The following GPM6B variants were observed in gnomAD, a reference collection of about 807,000 sequenced individuals.
GPM6B encodes the protein neuronal membrane glycoprotein M6-b.
In GPM6B, 4 loss-of-function variants were observed where a neutral mutation model predicts 27.2. The ratio of observed to expected loss-of-function variants is 0.15; its 90% CI spans 0.07 to 0.34. The LOEUF (loss-of-function observed/expected upper bound fraction) is 0.34. GPM6B is among the 10% of genes least tolerant of loss of function. The pLI, the probability that GPM6B is intolerant of heterozygous loss-of-function variation, is 1.00. For missense variants in GPM6B, 183 were observed against 261.9 expected (o/e 0.70, Z 2.08); for synonymous variants, 124 against 103.1 (o/e 1.20, Z -1.23).
chrX:13,804,433 C>CGGGGGGG (rs1427922805), intron 2 of GPM6B, among the ~76,000 whole-genome samples: 1 of 4,016 alleles, frequency 2.5e-4, no homozygotes, highest in African/African-American at 9.6e-4. Context: ...GGGCGGGGGG[C>CGGGGGGG]GGGGGTAGCC....
intron 1 of GPM6B, among the ~76,000 whole-genome samples, chrX:13,823,255 C>G (rs1392558718): frequency 8.9e-6 from 1 of 112,290 alleles, no homozygotes; most frequent in East Asian, 2.8e-4. Flanking sequence ...TATAAGCCGT[C>G]ATTGCTAGTG....
intron 1 of GPM6B, among the ~76,000 whole-genome samples, chrX:13,858,088 T>G (rs1362772597): frequency 5.3e-5 from 6 of 112,510 alleles, no homozygotes; most frequent in Non-Finnish European, 9.4e-5. Context: ...CACTGTTTAC[T>G]GAAGGTCTGA....
chrX:13,936,606 T>A (rs1289518346), intron 1 of GPM6B, among the ~76,000 whole-genome samples: 1 of 112,494 alleles, frequency 8.9e-6, no homozygotes, highest in Non-Finnish European at 1.9e-5. Context: ...TGTTTCCTTT[T>A]TTACATGAAG....
At chrX:13,906,571 A>G (rs888841258) in intron 1 of GPM6B, among the ~76,000 whole-genome samples, 5 of 112,338 alleles carry the variant, frequency 4.5e-5, no homozygotes, top group Non-Finnish European at 9.4e-5. Flanking sequence ...TTTAAACTCA[A>G]TGGATGTACT....
chrX:13,803,442 G>C, intron 2 of GPM6B, among the ~76,000 whole-genome samples: 1 of 111,752 alleles, frequency 8.9e-6, no homozygotes, highest in East Asian at 2.8e-4. Context: ...CCTATGTAGA[G>C]GGTGTGCTCT....
intron 1 of GPM6B, among the ~76,000 whole-genome samples, chrX:13,916,918 C>T (rs766491416): frequency 2.2e-4 from 24 of 111,478 alleles, no homozygotes; most frequent in Non-Finnish European, 4.3e-4. Context: ...CATGAATTAT[C>T]AACAAACATG....
intron 1 of GPM6B, among the ~76,000 whole-genome samples, chrX:13,832,014 A>G (rs1476219632): frequency 1.8e-5 from 2 of 112,007 alleles, no homozygotes; most frequent in Admixed American, 9.5e-5. Context: ...ATTGGTTAAG[A>G]TCTTTTCATG....
chrX:13,866,916 A>G (rs1017408065), intron 1 of GPM6B, among the ~76,000 whole-genome samples: 3 of 112,028 alleles, frequency 2.7e-5, no homozygotes, highest in Admixed American at 1.9e-4. Flanking sequence ...ACATGCTTCA[A>G]AAACCACAGA....
intron 6 of GPM6B, among the ~76,000 whole-genome samples, chrX:13,776,945 A>T (rs1180257801): frequency 8.9e-6 from 1 of 111,801 alleles, no homozygotes; most frequent in Admixed American, 9.4e-5. Context: ...CCTCTATGAA[A>T]TAGAGGGACT....
intron 1 of GPM6B, among the ~76,000 whole-genome samples, chrX:13,910,574 C>T (rs966167085): frequency 4.4e-5 from 5 of 113,059 alleles, no homozygotes; most frequent in African/African-American, 1.6e-4. Context: ...AGACACTGGC[C>T]CTTGTGATTT....
intron 1 of GPM6B, among the ~76,000 whole-genome samples, chrX:13,834,397 G>A (rs2049474062): frequency 8.9e-6 from 1 of 112,394 alleles, no homozygotes; most frequent in African/African-American, 3.2e-5. Context: ...AAATCTTACT[G>A]GGCCAAGAGA....
chrX:13,914,186 T>C (rs779267198), intron 1 of GPM6B, among the ~76,000 whole-genome samples: 29 of 112,513 alleles, frequency 2.6e-4, no homozygotes, highest in Non-Finnish European at 4.9e-4. Flanking sequence ...TTCTAACATC[T>C]GAGATTTTTA....
At chrX:13,899,024 T>C (rs2050257131) in intron 1 of GPM6B, among the ~76,000 whole-genome samples, 1 of 111,939 alleles carries the variant, frequency 8.9e-6, no homozygotes, top group African/African-American at 3.2e-5. Flanking sequence ...AAATGACTTC[T>C]TGAGGGGCAA....
intron 1 of GPM6B, among the ~76,000 whole-genome samples, chrX:13,848,020 C>A (rs184489228): frequency 2.1e-3 from 234 of 111,961 alleles, no homozygotes; most frequent in African/African-American, 7.2e-3. Flanking sequence ...TCCTTCCGGA[C>A]TGATATACTG....
intron 1 of GPM6B, among the ~76,000 whole-genome samples, chrX:13,875,491 A>C (rs1212774556): frequency 8.9e-6 from 1 of 111,738 alleles, no homozygotes. Context: ...TAAACATCCA[A>C]TTACTGTCTG....
At chrX:13,918,416 G>T (rs1419787991) in intron 1 of GPM6B, among the ~76,000 whole-genome samples, 1 of 112,679 alleles carries the variant, frequency 8.9e-6, no homozygotes, top group Non-Finnish European at 1.9e-5. Flanking sequence ...AGGCATCACT[G>T]TAGCTGACTA....
intron 2 of GPM6B, among the ~76,000 whole-genome samples, chrX:13,805,701 G>A (rs1213916770): frequency 8.9e-6 from 1 of 112,224 alleles, no homozygotes; most frequent in Non-Finnish European, 1.9e-5. Flanking sequence ...CTCTTCAAGA[G>A]CAATTGATAG....
intron 1 of GPM6B, among the ~76,000 whole-genome samples, chrX:13,847,325 C>T (rs1333969710): frequency 8.9e-6 from 1 of 111,849 alleles, no homozygotes; most frequent in Non-Finnish European, 1.9e-5. Context: ...CAAGATTTAC[C>T]AATGAGTTTC....
At position 13,886,719 on chromosome X, in the gene GPM6B, T is replaced by TAAAAAAAAAAA. The variant is rs5901522; in HGVS notation, c.-198+51597_-198+51607dup. Among the ~76,000 whole-genome samples the TAAAAAAAAAAA allele has an allele frequency of 4.3e-4, 15 of 35,099 alleles. 3 individuals carry two copies. Among genetic ancestry groups the TAAAAAAAAAAA allele is most frequent in the African/African-American group, 2.3e-3 (12 of 5,147 alleles). The allele number at this position is 35,099 out of a possible 115,157, so 30.5% of individuals were successfully genotyped here. A position where few individuals can be genotyped will look rare whatever the true frequency, so the allele number is the denominator to read the frequency against. On this transcript the variant is annotated intron_variant, in intron 1 of 6. Coordinates refer to the GPM6B transcript ENST00000398361. ...ACCTCTCTCTACCTTAAGTCACTAC[T>TAAAAAAAAAAA]AAAAAAAAAAAAAAAAAAAAAAATC... is the stretch of plus-strand genomic sequence containing the variant.
Sources: gnomAD v4.1 joint callset for allele counts (sites outside exome capture counted in the v4.1 genomes callset) on GRCh38, gnomAD v4.1.1 for gene constraint, MANE v1.5 for transcripts, NCBI Gene and HGNC (gene_info 2026-07-23, HGNC 2026-07-21) for gene names.